The following ZNF366 variants were observed in gnomAD, a reference collection of about 807,000 sequenced individuals.
The protein encoded by ZNF366 is dendritic cell-specific transcript protein.
Under a neutral mutation model 47.2 loss-of-function variants are expected in ZNF366, and 20 were observed. The observed-to-expected ratio is 0.42, with a 90% CI of 0.30 to 0.62. ZNF366 has a LOEUF of 0.62. Ranked by LOEUF, ZNF366 falls within the 20% of genes least tolerant of loss-of-function variation. ZNF366 has a pLI of 0.16. For missense variants in ZNF366, 987 were observed against 976.3 expected, an observed-to-expected ratio of 1.01 and a Z score of -0.15; for synonymous variants, 421 against 395.1, an observed-to-expected ratio of 1.07 and a Z score of -0.78.
chr5:72,459,398 T>C (rs1268120113), intron 2 of ZNF366, among the ~76,000 whole-genome samples: 3 of 152,132 alleles, frequency 2.0e-5, no homozygotes, highest in African/African-American at 7.2e-5. Context: ...GGGGTAAGAT[T>C]TCAGGAACAC....
intron 3 of ZNF366, among the ~76,000 whole-genome samples, chr5:72,456,067 G>A (rs1315973165): frequency 6.6e-6 from 1 of 152,156 alleles, no homozygotes; most frequent in African/African-American, 2.4e-5. Context: ...CTCCTCTCTA[G>A]AACAAAGGCT....
chr5:72,461,508 T>G lies in ZNF366; in HGVS notation c.-12A>C, dbSNP rs1474854226. On this transcript the variant is annotated splice_region_variant and 5_prime_UTR_variant, in exon 2 of 5. Transcript: ENST00000318442. ...ATTTCCTTCTGCATCCTTGGCAATTTTCCTTTAAAGAGAAAGAAACTTGTG... is the reference window on the plus strand; with the variant it reads ...ATTTCCTTCTGCATCCTTGGCAATTGTCCTTTAAAGAGAAAGAAACTTGTG... 12 of 1,528,898 alleles carry G rather than the reference T, an allele frequency of 7.8e-6. No individual in the cohort carries two copies. Among genetic ancestry groups the G allele is most frequent in the Middle Eastern group, 1.8e-4 (1 of 5,676 alleles). The allele number at this position is 1,528,898 out of a possible 1,614,324, so 94.7% of individuals were successfully genotyped here. A position where few individuals can be genotyped will look rare whatever the true frequency, so the allele number is the denominator to read the frequency against.
At position 72,443,771 on chromosome 5, in the gene ZNF366, CA is replaced by C; in HGVS notation, c.2219del (p.Val740GlyfsTer3). ...LLERKMEKQA[V>X]LLGI ...AACTGTCCACTTAGATACCTAAAAGCACTGCTTGTTTTTCCATTTTCCTCTC... is the reference window on the plus strand; with the variant it reads ...AACTGTCCACTTAGATACCTAAAAGCCTGCTTGTTTTTCCATTTTCCTCTC... On this transcript the variant is annotated frameshift_variant, in exon 5 of 5. Transcript: ENST00000318442. LOFTEE classifies it high-confidence loss of function. 1 of 1,613,066 alleles carries C rather than the reference CA, an allele frequency of 6.2e-7. No homozygotes were observed. Among genetic ancestry groups the C allele is most frequent in the Non-Finnish European group, 8.5e-7 (1 of 1,179,452 alleles).
chr5:72,482,704 C>A (rs1743812523), intron 1 of ZNF366, among the ~76,000 whole-genome samples: 1 of 150,624 alleles, frequency 6.6e-6, no homozygotes, highest in Admixed American at 6.6e-5. Flanking sequence ...CTATGGCAGT[C>A]AAATTTATTT....
chr5:72,489,607 A>G (rs1743966085), intron 1 of ZNF366, among the ~76,000 whole-genome samples: 1 of 152,184 alleles, frequency 6.6e-6, no homozygotes. Flanking sequence ...CCCAGCCCAC[A>G]CTTACCAGCC....
At chr5:72,450,561 A>C (rs1415928317) in intron 3 of ZNF366, among the ~76,000 whole-genome samples, 1 of 152,220 alleles carries the variant, frequency 6.6e-6, no homozygotes, top group Non-Finnish European at 1.5e-5. Flanking sequence ...AAAAGCAGCC[A>C]TCACCAGCTC....
At chr5:72,481,862 C>T (rs1042310653) in intron 1 of ZNF366, among the ~76,000 whole-genome samples, 5 of 152,120 alleles carry the variant, frequency 3.3e-5, no homozygotes. Flanking sequence ...CCCCCCAAAC[C>T]CCTGAGGTGA....
intron 1 of ZNF366, among the ~76,000 whole-genome samples, chr5:72,499,974 T>C (rs1317293249): frequency 6.6e-6 from 1 of 151,926 alleles, no homozygotes; most frequent in East Asian, 1.9e-4. Flanking sequence ...CCTCCAACAA[T>C]AGTCTCCTCT....
At chr5:72,502,176 G>A (rs2112359085) in intron 1 of ZNF366, among the ~76,000 whole-genome samples, 1 of 152,204 alleles carries the variant, frequency 6.6e-6, no homozygotes, top group East Asian at 1.9e-4. Context: ...TGCTATTGTA[G>A]GCCCTGGGCA....
At chr5:72,480,772 TACAAGCAAA>T (rs1743774838) in intron 1 of ZNF366, among the ~76,000 whole-genome samples, 1 of 152,202 alleles carries the variant, frequency 6.6e-6, no homozygotes, top group Admixed American at 6.5e-5. Context: ...AACAACAAAA[TACAAGCAAA>T]TTCAATCTAG....
At chr5:72,498,937 G>C (rs1186713595) in intron 1 of ZNF366, among the ~76,000 whole-genome samples, 3 of 152,164 alleles carry the variant, frequency 2.0e-5, no homozygotes, top group African/African-American at 7.2e-5. Context: ...CTTCCCAACT[G>C]CATGTATTAA....
chr5:72,494,129 C>T (rs1398889054), intron 1 of ZNF366: 1 of 151,972 alleles, frequency 6.6e-6, no homozygotes, highest in African/African-American at 2.4e-5. Flanking sequence ...CGTAACATAA[C>T]ATATACCATA....
At position 72,460,727 on chromosome 5, in the gene ZNF366, G is replaced by A; in HGVS notation, c.770C>T (p.Thr257Ile). ...CTTGGAGGTGTAGGACTTCTCGCAG[G>A]TGGGGCACTGCCAGCGCTTCTGCGA... ...GGSQKRWQCP[T>I]CEKSYTSKYN... Residue 257 changes from threonine to isoleucine, a missense_variant, in exon 2 of 5, where the codon ACC becomes ATC. Around this residue, in one of 3 missense-constraint regions of ZNF366, gnomAD observed 591 missense variants for 560.9 expected, o/e 1.05. Coordinates refer to ENST00000318442, the MANE Select transcript of ZNF366 (RefSeq NM_152625.3). 1 of 1,614,238 alleles carries A rather than the reference G, an allele frequency of 6.2e-7. No individual in the cohort carries two copies. The highest frequency in any genetic ancestry group is 8.5e-7 in the Non-Finnish European group (1 of 1,180,042).
At chr5:72,475,811 G>T (rs1743661145) in intron 1 of ZNF366, among the ~76,000 whole-genome samples, 1 of 152,100 alleles carries the variant, frequency 6.6e-6, no homozygotes, top group Admixed American at 6.5e-5. Flanking sequence ...TGGTTGATTT[G>T]GGCTGATCTG....
At chr5:72,470,353 C>A (rs1218756246) in intron 1 of ZNF366, among the ~76,000 whole-genome samples, 1 of 152,184 alleles carries the variant, frequency 6.6e-6, no homozygotes, top group Non-Finnish European at 1.5e-5. Context: ...GCTGTATCCG[C>A]CATATTGCTG....
At chr5:72,484,203 C>T (rs997429069) in intron 1 of ZNF366, among the ~76,000 whole-genome samples, 4 of 152,068 alleles carry the variant, frequency 2.6e-5, no homozygotes, top group Non-Finnish European at 4.4e-5. Flanking sequence ...TTTCATTAAT[C>T]GCCGGGCGCG....
rs1742904820 is a variant in ZNF366 at position 72,443,887 on chromosome 5, G to A, written c.2104C>T (p.Leu702Phe). 6.2e-7 allele frequency: 1 copy of A among 1,614,212 alleles called. No individual in the cohort carries two copies. Among genetic ancestry groups the A allele is most frequent in the Non-Finnish European group, 8.5e-7 (1 of 1,180,046 alleles). ...CGCCGGGTACTCTGAAAAGCCCTGA[G>A]ACTGAGACACTCATCTCTGCCGGCA... Reference protein sequence around the residue: ...DCAGRDECLSLRAFQSTRRGP... With the variant: ...DCAGRDECLSFRAFQSTRRGP... The change falls in exon 5 of 5, where the codon CTC becomes TTC. Residue 702 changes from leucine to phenylalanine, a missense_variant. Leu to Phe is a conservative substitution (Grantham distance 22). Around this residue, in one of 3 missense-constraint regions of ZNF366, gnomAD observed 285 missense variants for 234.8 expected, o/e 1.21. Coordinates refer to ENST00000318442, the MANE Select transcript of ZNF366 (RefSeq NM_152625.3).
chr5:72,506,308 C>G (rs1227401934), intron 1 of ZNF366, among the ~76,000 whole-genome samples: 1 of 152,208 alleles, frequency 6.6e-6, no homozygotes, highest in Non-Finnish European at 1.5e-5. Context: ...TTTTTGACAA[C>G]ATGATTTCGG....
chr5:72,471,195 G>A (rs1160645929), intron 1 of ZNF366, among the ~76,000 whole-genome samples: 2 of 152,190 alleles, frequency 1.3e-5, no homozygotes, highest in African/African-American at 4.8e-5. Flanking sequence ...GGGCAGATGG[G>A]TCTGTGACCC....
Sources: gnomAD v4.1 joint callset for allele counts (sites outside exome capture counted in the v4.1 genomes callset) on GRCh38, gnomAD v4.1.1 for gene constraint, gnomAD v4.1.1 regional missense constraint, MANE v1.5 for transcripts, NCBI Gene and HGNC (gene_info 2026-07-23, HGNC 2026-07-21) for gene names.